The following UBE4B variants were observed in gnomAD, a reference collection of about 807,000 sequenced individuals.
UBE4B encodes ubiquitination factor E4B, also known as ubiquitin conjugation factor E4 B.
UBE4B carries 27 observed loss-of-function variants against 148.1 expected under a neutral mutation model. The ratio of observed to expected loss-of-function variants is 0.18; its 90% CI spans 0.13 to 0.25. UBE4B has a LOEUF of 0.25. Ranked by LOEUF, UBE4B falls within the 10% of genes least tolerant of loss-of-function variation. The probability of loss-of-function intolerance (pLI) is 1.00; values close to 1 mark genes in which losing one functional copy is unlikely to be tolerated. For missense variants in UBE4B, 1,170 were observed against 1,662.4 expected, an observed-to-expected ratio of 0.70 and a Z score of 5.15; for synonymous variants, 596 against 619.3, an observed-to-expected ratio of 0.96 and a Z score of 0.56.
At chr1:10,146,407 G>A (rs61782925) in intron 18 of UBE4B, among the ~76,000 whole-genome samples, 7,551 of 152,174 alleles carry the variant, frequency 0.05, 483 homozygotes, top group East Asian at 0.19. Context: ...AGCCAAGATC[G>A]CGCCACTGCA....
chr1:10,135,250 C>T (rs1645660752), intron 16 of UBE4B, 64 bp downstream of exon 16: 1 of 1,457,812 alleles, frequency 6.9e-7, no homozygotes, highest in Admixed American at 1.9e-5. Flanking sequence ...GCTAGTAGTT[C>T]CTCACAGATT....
At chr1:10,054,476 C>A in intron 1 of UBE4B, 1 of 429,274 alleles carries the variant, frequency 2.3e-6, no homozygotes, top group Non-Finnish European at 4.5e-6. Context: ...GTTCCAGCAG[C>A]TCAGGCTTCT....
chr1:10,077,128 A>G (rs1644597565), intron 2 of UBE4B, among the ~76,000 whole-genome samples: 1 of 152,198 alleles, frequency 6.6e-6, no homozygotes, highest in Admixed American at 6.5e-5. Flanking sequence ...TTGAAGGCTT[A>G]CAGCAGCAGT....
intron 1 of UBE4B, among the ~76,000 whole-genome samples, chr1:10,035,203 T>A (rs1278957853): frequency 6.6e-6 from 1 of 151,266 alleles, no homozygotes; most frequent in African/African-American, 2.4e-5. Flanking sequence ...TTCACCATGT[T>A]GGCCAGGATG....
chr1:10,095,443 C>T lies in UBE4B; in HGVS notation c.212-18C>T. The T allele has an allele frequency of 6.2e-7, 1 of 1,612,970 alleles. No individual in the cohort carries two copies. Among genetic ancestry groups the T allele is most frequent in the Non-Finnish European group, 8.5e-7 (1 of 1,179,682 alleles). On this transcript the variant is annotated intron_variant, in intron 2 of 27. Coordinates refer to ENST00000343090, the MANE Select transcript of UBE4B (RefSeq NM_001105562.3). ...TTATTTCACATGGGGCTTCATCCTT[C>T]CTGTGTTTTCTGTTTAGGAGTAGCC...
intron 2 of UBE4B, among the ~76,000 whole-genome samples, chr1:10,078,129 C>T (rs1644615354): frequency 6.6e-6 from 1 of 152,092 alleles, no homozygotes; most frequent in African/African-American, 2.4e-5. Flanking sequence ...CCCACCTCAG[C>T]CTCCGAGTAG....
At chr1:10,101,976 G>GGGGT (rs1645019626) in intron 4 of UBE4B, among the ~76,000 whole-genome samples, 1 of 147,558 alleles carries the variant, frequency 6.8e-6, no homozygotes, top group East Asian at 2.0e-4. Context: ...CTGCATTTAG[G>GGGGT]GTGTGTGTGT....
chr1:10,130,686 T>G (rs1645578902), intron 13 of UBE4B, 29 bp from the exon 14 acceptor site: 3 of 1,613,190 alleles, frequency 1.9e-6, no homozygotes, highest in Non-Finnish European at 2.5e-6. Flanking sequence ...GCATTATATG[T>G]TGACTGCATT....
chr1:10,040,477 C>G (rs959201102), intron 1 of UBE4B, among the ~76,000 whole-genome samples: 1 of 152,180 alleles, frequency 6.6e-6, no homozygotes, highest in African/African-American at 2.4e-5. Context: ...TCTCAAACTC[C>G]TGGGCTCAAG....
In UBE4B at chr1:10,087,325, A is replaced by G. The variant is rs370744436; in HGVS notation, c.212-8136A>G. ...AACATTTATTTTGGACTAACTTTCA[A>G]TGTACAGAAAAGTTATGAAGATAGT... On this transcript the variant is annotated intron_variant, in intron 2 of 27. Coordinates refer to ENST00000343090, the MANE Select transcript of UBE4B (RefSeq NM_001105562.3). Among the ~76,000 whole-genome samples the G allele has an allele frequency of 2.4e-4, 36 of 152,262 alleles. 2 individuals carry two copies. In the South Asian group the frequency reaches 7.3e-3, roughly 31 times the overall value.
chr1:10,037,257 C>A (rs1643575965), intron 1 of UBE4B, among the ~76,000 whole-genome samples: 2 of 152,144 alleles, frequency 1.3e-5, no homozygotes, highest in Admixed American at 1.3e-4. Context: ...GAACTCCTGA[C>A]CTCAGGTGAT....
chr1:10,101,286 C>A, intron 4 of UBE4B, 91 bp downstream of exon 4: 1 of 1,256,476 alleles, frequency 8.0e-7, no homozygotes. Flanking sequence ...TGGGGCCACC[C>A]GAAATCAGGA....
Position 10,105,702 on chromosome 1 carries a change from T to C in UBE4B, c.767T>C (p.Met256Thr). 1 of 1,614,152 alleles carries C rather than the reference T, an allele frequency of 6.2e-7. No individual in the cohort carries two copies. The highest frequency in any genetic ancestry group is 8.5e-7 in the Non-Finnish European group (1 of 1,180,024). Residue 256 changes from methionine to threonine, a missense_variant, in exon 6 of 28, where the codon ATG becomes ACG. Met to Thr is a moderately conservative substitution (Grantham distance 81, BLOSUM62 -1). Around this residue, in one of 6 missense-constraint regions of UBE4B, gnomAD observed 214 missense variants for 209.1 expected, o/e 1.02. Transcript: ENST00000343090. ...NTGSNPGTSP[M>T]FCSVASFGAS... ...GGCTCCAATCCAGGAACAAGCCCCA[T>C]GTTCTGCAGCGTGGCTTCCTTTGGT...
chr1:10,136,533 C>T (rs76251980), intron 16 of UBE4B, among the ~76,000 whole-genome samples: 2,624 of 150,286 alleles, frequency 0.017, 40 homozygotes, highest in Admixed American at 0.025. Context: ...GCACATTTAA[C>T]GAGGTAGGAC....
At chr1:10,137,025 A>G in intron 16 of UBE4B, 42 bp from the exon 17 acceptor site, 1 of 1,610,280 alleles carries the variant, frequency 6.2e-7, no homozygotes, top group Non-Finnish European at 8.5e-7. Context: ...TGATTGAGAC[A>G]TGTAATAGAT....
chr1:10,055,380 T>G (rs1644145484), intron 1 of UBE4B, among the ~76,000 whole-genome samples: 1 of 152,084 alleles, frequency 6.6e-6, no homozygotes, highest in Admixed American at 6.6e-5. Context: ...ACTGGCAGCA[T>G]CATAGCTCAC....
At chr1:10,139,426 T>A (rs1377240910) in intron 17 of UBE4B, among the ~76,000 whole-genome samples, 1 of 152,052 alleles carries the variant, frequency 6.6e-6, no homozygotes, top group Non-Finnish European at 1.5e-5. Context: ...TGGAGAATAT[T>A]CTCCTGTTTT....
At chr1:10,064,233 A>G (rs1305553305) in intron 1 of UBE4B, among the ~76,000 whole-genome samples, 1 of 152,152 alleles carries the variant, frequency 6.6e-6, no homozygotes, top group African/African-American at 2.4e-5. Context: ...AGCACATAGC[A>G]TTTGTATGTG....
intron 25 of UBE4B, among the ~76,000 whole-genome samples, chr1:10,172,989 C>A (rs1646360032): frequency 1.3e-5 from 2 of 152,142 alleles, no homozygotes; most frequent in Non-Finnish European, 2.9e-5. Context: ...TAGGCTATAC[C>A]ATAGAGCCTC....
Sources: allele counts gnomAD v4.1 joint callset (sites outside exome capture counted in the v4.1 genomes callset), GRCh38; gene constraint gnomAD v4.1.1; regional missense constraint gnomAD v4.1.1; transcripts MANE v1.5; gene names NCBI Gene and HGNC (gene_info 2026-07-23, HGNC 2026-07-21).